Variants in FAM107B observed in about 807,000 individuals in gnomAD.
The protein encoded by FAM107B is protein FAM107B.
A neutral mutation model predicts 31.5 loss-of-function variants in FAM107B; 21 were observed. The observed-to-expected ratio is 0.67, with a 90% CI of 0.47 to 0.96. The LOEUF (loss-of-function observed/expected upper bound fraction) is 0.96. FAM107B is among the 40% of genes least tolerant of loss of function. The probability of loss-of-function intolerance (pLI) is 0.00; values close to 1 mark genes in which losing one functional copy is unlikely to be tolerated. For missense variants in FAM107B, 452 were observed against 377.1 expected, an observed-to-expected ratio of 1.20 and a Z score of -1.64; for synonymous variants, 157 against 141.5, an observed-to-expected ratio of 1.11 and a Z score of -0.78.
At chr10:14,743,415 G>C (rs951062316) in intron 1 of FAM107B, among the ~76,000 whole-genome samples, 3 of 152,134 alleles carry the variant, frequency 2.0e-5, no homozygotes, top group Non-Finnish European at 4.4e-5. Context: ...TTTTCATCAT[G>C]AAATCTTTGC....
At chr10:14,614,004 G>A (rs1401833652) in intron 2 of FAM107B, among the ~76,000 whole-genome samples, 5 of 152,062 alleles carry the variant, frequency 3.3e-5, no homozygotes, top group East Asian at 1.9e-4. Context: ...GTTGGCGGGC[G>A]CCTGTAGTCC....
intron 2 of FAM107B, among the ~76,000 whole-genome samples, chr10:14,565,615 T>C (rs901094518): frequency 1.4e-4 from 21 of 152,314 alleles, no homozygotes; most frequent in African/African-American, 5.1e-4. Flanking sequence ...CTGACATAGG[T>C]GCTTGAGCTC....
chr10:14,563,799 C>T (rs1850436919), intron 2 of FAM107B, among the ~76,000 whole-genome samples: 1 of 152,162 alleles, frequency 6.6e-6, no homozygotes, highest in African/African-American at 2.4e-5. Flanking sequence ...AGACTGATTA[C>T]AGAAGCAGAC....
chr10:14,756,807 G>T (rs1043433939), intron 1 of FAM107B, among the ~76,000 whole-genome samples: 2 of 152,136 alleles, frequency 1.3e-5, no homozygotes, highest in African/African-American at 4.8e-5. Flanking sequence ...TGGTATATAT[G>T]CACCATGGAT....
At chr10:14,731,521 C>T (rs1185649924) in intron 1 of FAM107B, among the ~76,000 whole-genome samples, 2 of 152,114 alleles carry the variant, frequency 1.3e-5, no homozygotes, top group African/African-American at 4.8e-5. Context: ...AAGATTGTGC[C>T]ACTGCACTCC....
intron 2 of FAM107B, among the ~76,000 whole-genome samples, chr10:14,584,210 T>C (rs1298149149): frequency 6.6e-6 from 1 of 151,998 alleles, no homozygotes; most frequent in Non-Finnish European, 1.5e-5. Flanking sequence ...CTCAGCTGAG[T>C]AGCAGCAATG....
intron 2 of FAM107B, among the ~76,000 whole-genome samples, chr10:14,563,964 CT>C (rs56773682): frequency 2.0e-5 from 3 of 151,736 alleles, no homozygotes; most frequent in Non-Finnish European, 2.9e-5. Flanking sequence ...TCATCTCATA[CT>C]TTTTTTTGTT....
intron 1 of FAM107B, among the ~76,000 whole-genome samples, chr10:14,668,487 G>A (rs1383276251): frequency 1.3e-5 from 2 of 152,146 alleles, no homozygotes; most frequent in African/African-American, 4.8e-5. Context: ...TAAGAAGGTA[G>A]GTGTACACAT....
chr10:14,746,596 T>C (rs1160584993), intron 1 of FAM107B, among the ~76,000 whole-genome samples: 2 of 152,220 alleles, frequency 1.3e-5, no homozygotes, highest in Non-Finnish European at 2.9e-5. Flanking sequence ...GGAAATTCTT[T>C]TCTTTAAGAA....
chr10:14,550,257 CTCTG>C (rs1008674441), intron 2 of FAM107B, among the ~76,000 whole-genome samples: 1 of 152,196 alleles, frequency 6.6e-6, no homozygotes, highest in Non-Finnish European at 1.5e-5. Context: ...CAAGTCAATT[CTCTG>C]TCTGTCTCTC....
At chr10:14,552,821 T>TAA (rs545859593) in intron 2 of FAM107B, among the ~76,000 whole-genome samples, 10 of 147,422 alleles carry the variant, frequency 6.8e-5, no homozygotes, top group African/African-American at 2.5e-4. Context: ...AAGACTCCAT[T>TAA]AAAAAAAAAA....
chr10:14,730,679 T>C (rs114722590), intron 1 of FAM107B, among the ~76,000 whole-genome samples: 3,975 of 152,254 alleles, frequency 0.026, 163 homozygotes, highest in African/African-American at 0.09. Flanking sequence ...GAATGGATTA[T>C]AGGTGAGAAA....
At chr10:14,683,452 G>A (rs1288656505) in intron 1 of FAM107B, among the ~76,000 whole-genome samples, 2 of 152,216 alleles carry the variant, frequency 1.3e-5, no homozygotes, top group African/African-American at 4.8e-5. Flanking sequence ...AACATTCGTT[G>A]CACGGTGGAA....
intron 1 of FAM107B, among the ~76,000 whole-genome samples, chr10:14,738,769 C>T (rs747523126): frequency 7.2e-5 from 11 of 152,138 alleles, no homozygotes; most frequent in Non-Finnish European, 1.2e-4. Flanking sequence ...ATGGATCGGG[C>T]CCATTGGGTT....
At chr10:14,763,044 C>T (rs889214862) in intron 1 of FAM107B, among the ~76,000 whole-genome samples, 2 of 152,112 alleles carry the variant, frequency 1.3e-5, no homozygotes, top group African/African-American at 4.8e-5. Flanking sequence ...AGGTGGATCC[C>T]CTGAGATCAG....
chr10:14,623,687 G>A (rs932768911), intron 2 of FAM107B, among the ~76,000 whole-genome samples: 2 of 152,268 alleles, frequency 1.3e-5, no homozygotes, highest in East Asian at 1.9e-4. Context: ...TTAGCTGGGC[G>A]TGGTAGTGCA....
At chr10:14,604,253 C>G in intron 2 of FAM107B, 2 of 979,620 alleles carry the variant, frequency 2.0e-6, no homozygotes, top group Non-Finnish European at 2.4e-6. Context: ...GGCGCGCGCA[C>G]AAAGGCGCGC....
intron 2 of FAM107B, chr10:14,604,124 C>A: frequency 1.8e-6 from 1 of 563,168 alleles, no homozygotes; most frequent in Non-Finnish European, 2.2e-6. Context: ...ACCCCCCACC[C>A]GCCCGGCCGC....
intron 1 of FAM107B, among the ~76,000 whole-genome samples, chr10:14,767,586 T>C (rs1179691313): frequency 1.3e-5 from 2 of 151,812 alleles, no homozygotes; most frequent in Non-Finnish European, 2.9e-5. Context: ...TCATCTCAAT[T>C]GATGTGAAAA....
Sources: allele counts gnomAD v4.1 joint callset (sites outside exome capture counted in the v4.1 genomes callset), GRCh38; gene constraint gnomAD v4.1.1; transcripts MANE v1.5; gene names NCBI Gene and HGNC (gene_info 2026-07-23, HGNC 2026-07-21).